The following SAMD3 variants were observed in gnomAD, a reference collection of about 807,000 sequenced individuals.
SAMD3 encodes the protein sterile alpha motif domain containing 3, also known as sterile alpha motif domain-containing protein 3.
In SAMD3, 63 loss-of-function variants were observed where a neutral mutation model predicts 58.5. That is an observed-to-expected ratio of 1.08 (90% CI 0.88 to 1.33). The LOEUF is 1.33. Ranked by LOEUF, SAMD3 falls within the 40% of genes most tolerant of loss-of-function variation. The pLI is 0.00. For missense variants in SAMD3, 604 were observed against 608.4 expected (o/e 0.99, Z 0.08); for synonymous variants, 220 against 210.3 (o/e 1.05, Z -0.40).
intron 2 of SAMD3, among the ~76,000 whole-genome samples, chr6:130,281,280 C>T (rs1261164014): frequency 6.6e-6 from 1 of 152,176 alleles, no homozygotes; most frequent in Non-Finnish European, 1.5e-5. Context: ...CACCACACTT[C>T]AAACTGTTAG....
intron 5 of SAMD3, among the ~76,000 whole-genome samples, chr6:130,199,737 C>T (rs888126534): frequency 1.3e-5 from 2 of 152,148 alleles, no homozygotes; most frequent in African/African-American, 4.8e-5. Flanking sequence ...AATGTCACTT[C>T]AAAGCACCCC....
chr6:130,357,648 T>G (rs1777874190), intron 1 of SAMD3, among the ~76,000 whole-genome samples: 2 of 152,220 alleles, frequency 1.3e-5, no homozygotes, highest in Admixed American at 1.3e-4. Flanking sequence ...ATTCGTTTGC[T>G]GCTAGATCCT....
At chr6:130,292,480 T>C (rs1441061817) in intron 2 of SAMD3, among the ~76,000 whole-genome samples, 3 of 150,030 alleles carry the variant, frequency 2.0e-5, no homozygotes, top group Admixed American at 2.0e-4. Context: ...AGACACAGGG[T>C]TTCACCCTGT....
chr6:130,287,396 T>C (rs1325826073), intron 2 of SAMD3, among the ~76,000 whole-genome samples: 2 of 152,180 alleles, frequency 1.3e-5, no homozygotes, highest in Admixed American at 6.5e-5. Flanking sequence ...CATTTCTTTA[T>C]TCCTTCAACA....
At chr6:130,157,926 T>G (rs941851490) in intron 8 of SAMD3, among the ~76,000 whole-genome samples, 2 of 138,572 alleles carry the variant, frequency 1.4e-5, no homozygotes, top group Non-Finnish European at 3.1e-5. Flanking sequence ...AAAATACAAT[T>G]TTTTACAATT....
At chr6:130,289,000 G>A (rs775399788) in intron 2 of SAMD3, among the ~76,000 whole-genome samples, 1 of 152,144 alleles carries the variant, frequency 6.6e-6, no homozygotes, top group Non-Finnish European at 1.5e-5. Flanking sequence ...CTTATTTCAT[G>A]GATTAGACCT....
chr6:130,239,299 C>T (rs1415625843), intron 2 of SAMD3, among the ~76,000 whole-genome samples: 1 of 152,136 alleles, frequency 6.6e-6, no homozygotes, highest in Non-Finnish European at 1.5e-5. Context: ...GTCTGCTTTG[C>T]AACCATGAGC....
intron 4 of SAMD3, among the ~76,000 whole-genome samples, chr6:130,210,962 T>C (rs889647287): frequency 2.0e-5 from 3 of 151,196 alleles, no homozygotes; most frequent in Non-Finnish European, 4.4e-5. Flanking sequence ...CTACTAAAAA[T>C]ACAAAAAATT....
At chr6:130,322,514 G>GTT (rs1173728673) in intron 1 of SAMD3, among the ~76,000 whole-genome samples, 1 of 152,182 alleles carries the variant, frequency 6.6e-6, no homozygotes, top group Non-Finnish European at 1.5e-5. Context: ...ACACACGCCT[G>GTT]TAATTCCAGC....
intron 1 of SAMD3, among the ~76,000 whole-genome samples, chr6:130,357,635 A>C (rs141636306): frequency 6.6e-6 from 1 of 152,294 alleles, no homozygotes; most frequent in East Asian, 1.9e-4. Context: ...TCCTAGCCTT[A>C]ACATTCGTTT....
rs1019611773 is a variant in SAMD3 at position 130,252,090 on chromosome 6, A to G, written c.-187-29277T>C. Among the ~76,000 whole-genome samples, 7 of 152,036 alleles carry G rather than the reference A, an allele frequency of 4.6e-5. No homozygotes were observed. In the South Asian group the frequency reaches 6.2e-4, roughly 14 times the overall value. On this transcript the variant is annotated intron_variant, in intron 2 of 13. Transcript: ENST00000368134. ...TGTTTTGGGCTCTGTTGTTTCATGC[A>G]TATATATTTATAATTATTATATCTT...
At chr6:130,360,604 G>A (rs992889736) in intron 1 of SAMD3, among the ~76,000 whole-genome samples, 1 of 152,136 alleles carries the variant, frequency 6.6e-6, no homozygotes, top group Non-Finnish European at 1.5e-5. Flanking sequence ...CCACAGGACC[G>A]GGGCAAAATT....
intron 2 of SAMD3, among the ~76,000 whole-genome samples, chr6:130,292,566 C>T (rs947664829): frequency 5.9e-5 from 9 of 151,782 alleles, no homozygotes; most frequent in Admixed American, 4.6e-4. Context: ...GGATTCCAGG[C>T]GTGTGTCACC....
Position 130,184,503 on chromosome 6 carries a change from G to A in SAMD3, c.504C>T (p.His168=). The change falls in exon 6 of 12, where the codon CAC becomes CAT. Residue 168 remains histidine, a synonymous_variant. Transcript: ENST00000439090. ...CMLAEQKCPD[H]SMRIRIIEFL... ...ACTCAATGATCCTTATCCTCATGCT[G>A]TGATCCGGGCACTTCTGCTCTGCTA... The A allele has an allele frequency of 2.5e-6, 4 of 1,614,182 alleles. No individual in the cohort carries two copies. The highest frequency in any genetic ancestry group is 3.4e-6 in the Non-Finnish European group (4 of 1,180,016).
rs193004422 is a variant in SAMD3, at chr6:130,214,506, C to A, written c.100G>T (p.Ala34Ser). The A allele has an allele frequency of 6.3e-7, 1 of 1,594,624 alleles. No homozygotes were observed. The highest frequency in any genetic ancestry group is 1.7e-5 in the Admixed American group (1 of 57,270). The change falls in exon 4 of 12, where the codon GCT becomes TCT. Residue 34 changes from alanine to serine, a missense_variant. Ala to Ser is a moderately conservative substitution (Grantham distance 99). Coordinates refer to ENST00000439090, the MANE Select transcript of SAMD3 (RefSeq NM_001017373.4). ...RFQEEEVSGA[A>S]LLALNDRMVQ... ...ATCCGATCATTAAGTGCAAGAAGAG[C>A]GGCCCCACTTACTTCTTCCTCTGGG... is the stretch of plus-strand genomic sequence containing the variant.
chr6:130,278,707 A>T (rs1301345149), intron 2 of SAMD3, among the ~76,000 whole-genome samples: 2 of 152,184 alleles, frequency 1.3e-5, no homozygotes, highest in African/African-American at 4.8e-5. Context: ...CAGAAGTGGC[A>T]TCTTACTTTT....
At chr6:130,324,675 G>A (rs1233048963) in intron 1 of SAMD3, among the ~76,000 whole-genome samples, 1 of 152,008 alleles carries the variant, frequency 6.6e-6, no homozygotes, top group East Asian at 1.9e-4. Context: ...CGAAAGATCT[G>A]TTAAATACCT....
chr6:130,188,659 G>A (rs990356289), intron 5 of SAMD3, among the ~76,000 whole-genome samples: 1 of 152,112 alleles, frequency 6.6e-6, no homozygotes, highest in East Asian at 1.9e-4. Flanking sequence ...TTCCTCTAAA[G>A]TCAATAATGA....
At chr6:130,292,785 A>AT (rs1433384939) in intron 2 of SAMD3, among the ~76,000 whole-genome samples, 2 of 151,268 alleles carry the variant, frequency 1.3e-5, no homozygotes, top group African/African-American at 2.4e-5. Flanking sequence ...CGCCCGGCTA[A>AT]TTTTTTGTAT....
Sources: allele counts gnomAD v4.1 joint callset (sites outside exome capture counted in the v4.1 genomes callset), GRCh38; gene constraint gnomAD v4.1.1; transcripts MANE v1.5; gene names NCBI Gene and HGNC (gene_info 2026-07-23, HGNC 2026-07-21).